Variants in JAKMIP1 observed in about 807,000 individuals in gnomAD.
JAKMIP1 encodes the protein janus kinase and microtubule-interacting protein 1.
JAKMIP1 carries 33 observed loss-of-function variants against 113.0 expected under a neutral mutation model. That is an observed-to-expected ratio of 0.29 (90% confidence interval 0.22 to 0.39). The LOEUF (loss-of-function observed/expected upper bound fraction) is 0.39, where lower values mean the gene tolerates loss of function less well. JAKMIP1 is among the 10% of genes least tolerant of loss of function. The pLI is 1.00. For missense variants in JAKMIP1, 813 were observed against 1,080.5 expected (o/e 0.75, Z 3.47); for synonymous variants, 480 against 459.9 (o/e 1.04, Z -0.56).
chr4:6,130,902 G>A (rs1189198967), intron 1 of JAKMIP1, among the ~76,000 whole-genome samples: 16 of 151,876 alleles, frequency 1.1e-4, no homozygotes, highest in Non-Finnish European at 5.9e-5. Flanking sequence ...AGTCAGGCGC[G>A]ATGGTTCAAA....
chr4:6,161,329 TC>T (rs1722932360), intron 1 of JAKMIP1, among the ~76,000 whole-genome samples: 2 of 152,046 alleles, frequency 1.3e-5, no homozygotes, highest in African/African-American at 4.8e-5. Flanking sequence ...TCCACTCACC[TC>T]CCCTAGCCTC....
At chr4:6,056,898 A>T in intron 11 of JAKMIP1, 139 bp from the exon 12 acceptor site, 217 of 580,462 alleles carry the variant, frequency 3.7e-4, no homozygotes, top group East Asian at 4.6e-4. Context: ...ATGTGCCCTC[A>T]TTGTCCCTGT....
chr4:6,168,715 T>G lies in JAKMIP1; in HGVS notation c.-148+31538A>C, dbSNP rs1410932173. Reference sequence around the variant, plus strand: ...AGACCAGCTTGGACAGGATGGCAAATCCATGTCTCTACAAAAAAAAAACAA... The same window carrying G: ...AGACCAGCTTGGACAGGATGGCAAAGCCATGTCTCTACAAAAAAAAAACAA... On this transcript the variant is annotated intron_variant, in intron 1 of 20. Coordinates refer to ENST00000409021, the MANE Select transcript of JAKMIP1 (RefSeq NM_001099433.2). The surrounding 1 kb of genome is among the most constrained non-coding windows in gnomAD (Gnocchi z 4.6). Among the ~76,000 whole-genome samples, 1 of 150,786 alleles carries G rather than the reference T, an allele frequency of 6.6e-6. No homozygotes were observed. Among genetic ancestry groups the G allele is most frequent in the African/African-American group, 2.5e-5 (1 of 40,752 alleles).
At chr4:6,149,359 G>T (rs1042093905) in intron 1 of JAKMIP1, among the ~76,000 whole-genome samples, 8 of 152,182 alleles carry the variant, frequency 5.3e-5, no homozygotes, top group African/African-American at 1.7e-4. Flanking sequence ...AAGCGGAGAA[G>T]AACTGCTTGG....
intron 4 of JAKMIP1, among the ~76,000 whole-genome samples, 190 bp downstream of exon 4, chr4:6,085,230 A>G (rs529814664): frequency 5.9e-5 from 9 of 152,206 alleles, no homozygotes; most frequent in Middle Eastern, 3.4e-3. Flanking sequence ...TATCTCTTAC[A>G]AAGGCCGCCA....
rs142147255 is a variant in JAKMIP1 at position 6,045,471 on chromosome 4, C to T, written c.2029-3244G>A. ...GATGACTGGGCAGGGCCTCAGTGGG[C>T]GGAGATGAGGAAAGCATGTGCCCAG... On this transcript the variant is annotated intron_variant, in intron 16 of 20. Coordinates refer to ENST00000409021, the MANE Select transcript of JAKMIP1 (RefSeq NM_001099433.2). Among the ~76,000 whole-genome samples the T allele has an allele frequency of 3.7e-4, 57 of 152,188 alleles. 1 individual carries two copies. Among genetic ancestry groups the T allele is most frequent in the East Asian group, 2.9e-3 (15 of 5,162 alleles).
chr4:6,048,644 G>A (rs1292348864), intron 16 of JAKMIP1, among the ~76,000 whole-genome samples: 1 of 152,236 alleles, frequency 6.6e-6, no homozygotes, highest in Non-Finnish European at 1.5e-5. Context: ...TCCTCCACCG[G>A]GTTTTGATTT....
intron 1 of JAKMIP1, among the ~76,000 whole-genome samples, chr4:6,124,023 ACT>A (rs746995136): frequency 3.9e-5 from 6 of 152,144 alleles, no homozygotes; most frequent in Admixed American, 1.3e-4. Context: ...CCTAACACGT[ACT>A]CTGGGCTTGG....
At chr4:6,160,975 C>G (rs1475698674) in intron 1 of JAKMIP1, among the ~76,000 whole-genome samples, 1 of 149,554 alleles carries the variant, frequency 6.7e-6, no homozygotes, top group African/African-American at 2.5e-5. Flanking sequence ...CCTCCCTGAC[C>G]TCCACTCACC....
At chr4:6,098,540 GAA>G (rs1229125641) in intron 3 of JAKMIP1, among the ~76,000 whole-genome samples, 2 of 31,388 alleles carry the variant, frequency 6.4e-5, no homozygotes, top group South Asian at 1.8e-3. Context: ...GAGAGAGAGA[GAA>G]AGAAAAAGAA....
chr4:6,098,730 GAA>G (rs1712466512), intron 3 of JAKMIP1, among the ~76,000 whole-genome samples: 1 of 10,958 alleles, frequency 9.1e-5, no homozygotes, highest in Non-Finnish European at 2.6e-4. Context: ...GAAAAAGAAA[GAA>G]AGAGAAGGAA....
rs1340445947 is a variant in JAKMIP1 at position 6,062,293 on chromosome 4, T to C, written c.1560+19A>G. ...GGCCTTCGGCCCCTCCCTCGAGCCC[T>C]GAGGCTGGCTGCACTCACCCGGGCC... On this transcript the variant is annotated intron_variant, in intron 10 of 20. Transcript: ENST00000409021. The C allele has an allele frequency of 1.2e-6, 2 of 1,611,530 alleles. No homozygotes were observed. Among genetic ancestry groups the C allele is most frequent in the East Asian group, 4.5e-5 (2 of 44,862 alleles).
intron 1 of JAKMIP1, among the ~76,000 whole-genome samples, chr4:6,147,059 A>G (rs1720942791): frequency 6.6e-6 from 1 of 152,114 alleles, no homozygotes; most frequent in Non-Finnish European, 1.5e-5. Flanking sequence ...CCTGGGTTCA[A>G]GTGATTTCTC....
At chr4:6,175,758 A>T in intron 1 of JAKMIP1, among the ~76,000 whole-genome samples, 1 of 152,254 alleles carries the variant, frequency 6.6e-6, no homozygotes. Context: ...CCTGGAAAAG[A>T]CAGGATTCAA....
At position 6,138,865 on chromosome 4, in the gene JAKMIP1, G is replaced by GCA. The variant is rs1560257225; in HGVS notation, c.-147-25870_-147-25869dup. Among the ~76,000 whole-genome samples, 2 of 152,128 alleles carry GCA rather than the reference G, an allele frequency of 1.3e-5. No homozygotes were observed. The highest frequency in any genetic ancestry group is 2.9e-5 in the Non-Finnish European group (2 of 68,036). On this transcript the variant is annotated intron_variant, in intron 1 of 20. Coordinates refer to ENST00000409021, the MANE Select transcript of JAKMIP1 (RefSeq NM_001099433.2). The surrounding 1 kb of genome is among the most constrained non-coding windows in gnomAD (Gnocchi z 6.0). Reference sequence around the variant, plus strand: ...TACCTGCCCCGGCAAAAGCGAATGCGCACAGAGCACTTTCAACAGAGCAAG... The same window carrying GCA: ...TACCTGCCCCGGCAAAAGCGAATGCGCACACAGAGCACTTTCAACAGAGCAAG...
Position 6,085,506 on chromosome 4 carries a change from C to A in JAKMIP1, c.748G>T (p.Val250Phe). Reference sequence around the variant, plus strand: ...CTGTGGTGCCGCTCGGCCTCCTTGACCTGAACCAGCTGCTCATCCAAAGCC... The same window carrying A: ...CTGTGGTGCCGCTCGGCCTCCTTGAACTGAACCAGCTGCTCATCCAAAGCC... The part of the protein sequence containing the change: ...KEALDEQLVQ[V>F]KEAERHHSSP... The change falls in exon 4 of 21, where the codon GTC (valine) becomes TTC (phenylalanine). Residue 250 changes from valine to phenylalanine, a missense_variant. Coordinates refer to ENST00000409021, the MANE Select transcript of JAKMIP1 (RefSeq NM_001099433.2). 6.2e-7 allele frequency: 1 copy of A among 1,614,206 alleles called. No homozygotes were observed. The highest frequency in any genetic ancestry group is 1.1e-5 in the South Asian group (1 of 91,086).
intron 3 of JAKMIP1, among the ~76,000 whole-genome samples, chr4:6,096,359 C>T (rs1487620825): frequency 6.6e-6 from 1 of 152,154 alleles, no homozygotes; most frequent in African/African-American, 2.4e-5. Context: ...TATAAATTCC[C>T]ATTGTTCCTC....
Position 6,084,861 on chromosome 4 carries a change from ATCTGCCAACAGCGTATT to A in JAKMIP1, c.922_938del (p.Asn308Ter). ...GGCTACTTACCAGTTCATTCCTCTC[ATCTGCCAACAGCGTATT>A]TCTGTCTTCCAGCTTCCGTATCACT... On this transcript the variant is annotated frameshift_variant, in exon 5 of 21. Transcript: ENST00000409021. LOFTEE classifies it high-confidence loss of function. The A allele has an allele frequency of 6.2e-7, 1 of 1,608,696 alleles. No homozygotes were observed. Among genetic ancestry groups the A allele is most frequent in the Non-Finnish European group, 8.5e-7 (1 of 1,179,122 alleles).
rs1373176688 is a variant in JAKMIP1, at chr4:6,042,265, G to A, written c.2029-38C>T. 6.5e-7 allele frequency: 1 copy of A among 1,543,424 alleles called. No homozygotes were observed. Among genetic ancestry groups the A allele is most frequent in the Non-Finnish European group, 9.0e-7 (1 of 1,116,454 alleles). On this transcript the variant is annotated intron_variant, in intron 16 of 20. Transcript: ENST00000409021. The surrounding 1 kb of genome is among the most constrained non-coding windows in gnomAD (Gnocchi z 5.2). ...AGGGACAGGACGGGTGCAGCAAAGT[G>A]AGAGTCAGAACCCAAGGGGCTGTGG...
Sources: gnomAD v4.1 joint callset for allele counts (sites outside exome capture counted in the v4.1 genomes callset) on GRCh38, gnomAD v4.1.1 for gene constraint, Gnocchi (gnomAD v3.1) non-coding constraint, MANE v1.5 for transcripts, NCBI Gene and HGNC (gene_info 2026-07-23, HGNC 2026-07-21) for gene names.